Variants in SGCD observed in about 807,000 individuals in gnomAD.
The protein encoded by SGCD is sarcoglycan delta.
Under a neutral mutation model 36.6 loss-of-function variants are expected in SGCD, and 18 were observed. That is an observed-to-expected ratio of 0.49 (90% CI 0.34 to 0.73). The LOEUF (loss-of-function observed/expected upper bound fraction) is 0.73, where lower values mean the gene tolerates loss of function less well. Among genes scored for constraint, SGCD ranks in the 30% least tolerant of loss-of-function variants. The pLI, the probability that SGCD is intolerant of heterozygous loss-of-function variation, is 0.01. For synonymous variants in SGCD, 133 were observed against 130.6 expected (o/e 1.02, Z -0.12); for missense variants, 387 against 346.7 (o/e 1.12, Z -0.92).
At chr5:156,228,871 T>C (rs547125186) in intron 3 of SGCD, among the ~76,000 whole-genome samples, 55 of 152,102 alleles carry the variant, frequency 3.6e-4, no homozygotes, top group Non-Finnish European at 6.3e-4. Flanking sequence ...GTCAACTTGA[T>C]TGGACTGAAG....
At chr5:156,749,452 G>T (rs939497769) in intron 7 of SGCD, among the ~76,000 whole-genome samples, 1 of 151,984 alleles carries the variant, frequency 6.6e-6, no homozygotes, top group African/African-American at 2.4e-5. Flanking sequence ...AGATCAGATT[G>T]ACAAACCCAA....
chr5:156,609,473 T>G lies in SGCD; in HGVS notation c.502+14422T>G, dbSNP rs530218967. On this transcript the variant is annotated intron_variant, in intron 6 of 8. Transcript: ENST00000337851. ...CCCGACCTTTCTCTCTGGCTGCCCT[T>G]AACATTTTTTCCTTCATTTCCACTT... Among the ~76,000 whole-genome samples, 3 of 152,350 alleles carry G rather than the reference T, an allele frequency of 2.0e-5. No individual in the cohort carries two copies. The South Asian group carries it at 6.2e-4, about 32-fold the overall frequency.
the SGCD span, among the ~76,000 whole-genome samples, chr5:155,802,385 C>T: frequency 5.3e-5 from 8 of 152,176 alleles, no homozygotes; most frequent in South Asian, 8.3e-4. Context: ...TTCTGGGATT[C>T]GTAAGCTTGC....
In SGCD at chr5:156,757,692, C is replaced by T. The variant is rs1166804343; in HGVS notation, c.687C>T (p.Ser229=). ...ATCRTELRLE[S]KDGEIKLDAA... ...GCAGGACAGAGCTGAGACTGGAATC[C>T]AAAGATGGAGAGGTGAGGGATGAGA... The change falls in exon 8 of 9, where the codon TCC becomes TCT. Residue 229 remains serine, a synonymous_variant. Coordinates refer to ENST00000337851, the MANE Select transcript of SGCD (RefSeq NM_000337.6). 4 of 1,605,042 alleles carry T rather than the reference C, an allele frequency of 2.5e-6. No individual in the cohort carries two copies. The South Asian group carries it at 3.4e-5, about 14-fold the overall frequency.
In SGCD at chr5:156,686,686, C is replaced by T. The variant is rs201060504; in HGVS notation, c.575+39150C>T. On this transcript the variant is annotated intron_variant, in intron 7 of 8. Coordinates refer to ENST00000337851, the MANE Select transcript of SGCD (RefSeq NM_000337.6). ...GCTGATTATTAAATTTCCTTTAGATCCATCAAATGATTTAAGCAAGGTGCT... is the reference window on the plus strand; with the variant it reads ...GCTGATTATTAAATTTCCTTTAGATTCATCAAATGATTTAAGCAAGGTGCT... Among the ~76,000 whole-genome samples the T allele has an allele frequency of 6.6e-5, 10 of 152,306 alleles. No individual in the cohort carries two copies. In the East Asian group the frequency reaches 1.4e-3, roughly 21 times the overall value.
chr5:155,733,223 C>A, the SGCD span, among the ~76,000 whole-genome samples: 1 of 152,034 alleles, frequency 6.6e-6, no homozygotes, highest in Non-Finnish European at 1.5e-5. Flanking sequence ...ACACCCCTTT[C>A]CTCCCCTTCA....
chr5:156,119,409 A>G (rs914488635), intron 2 of SGCD, among the ~76,000 whole-genome samples: 13 of 152,092 alleles, frequency 8.5e-5, no homozygotes, highest in African/African-American at 3.1e-4. Flanking sequence ...TCCAAACTCA[A>G]TTTCCTTCTA....
intron 3 of SGCD, among the ~76,000 whole-genome samples, chr5:156,138,941 A>C (rs942433391): frequency 7.9e-5 from 12 of 152,342 alleles, no homozygotes; most frequent in Admixed American, 7.2e-4. Flanking sequence ...AATAATGTTA[A>C]GTACTTTCAG....
chr5:155,992,465 G>T (rs1176299108), intron 1 of SGCD, among the ~76,000 whole-genome samples: 2 of 152,088 alleles, frequency 1.3e-5, no homozygotes, highest in Non-Finnish European at 2.9e-5. Flanking sequence ...AACCCTTCCT[G>T]CAAGCAGAGG....
chr5:156,758,138 CA>C (rs1442521237), intron 8 of SGCD: 2 of 374,554 alleles, frequency 5.3e-6, no homozygotes, highest in Non-Finnish European at 7.4e-6. Flanking sequence ...ACAGCTGTCC[CA>C]ACCAGAACAA....
intron 1 of SGCD, among the ~76,000 whole-genome samples, chr5:156,011,575 G>T (rs1339350697): frequency 1.3e-5 from 2 of 152,140 alleles, no homozygotes; most frequent in South Asian, 4.2e-4. Context: ...GAGTATCTGG[G>T]ACTACAGGTG....
intron 3 of SGCD, among the ~76,000 whole-genome samples, chr5:156,266,213 C>G (rs1430035064): frequency 1.3e-5 from 2 of 152,042 alleles, no homozygotes; most frequent in African/African-American, 4.8e-5. Context: ...GGCTATTGAC[C>G]AAGGTGTTAA....
At chr5:155,942,339 T>TATCTATCTATCTATC (rs1554105958) in intron 1 of SGCD, among the ~76,000 whole-genome samples, 1 of 151,712 alleles carries the variant, frequency 6.6e-6, no homozygotes, top group Non-Finnish European at 1.5e-5. Context: ...TGTATGTATC[T>TATCTATCTATCTATC]ATCTATCTAT....
chr5:156,396,679 G>A (rs74383108), intron 3 of SGCD, among the ~76,000 whole-genome samples: 9,146 of 152,202 alleles, frequency 0.06, 375 homozygotes, highest in Non-Finnish European at 0.095. Context: ...CAAGAGGCAG[G>A]CATGTGTGGG....
intron 1 of SGCD, among the ~76,000 whole-genome samples, chr5:156,033,375 C>T (rs1243390856): frequency 9.2e-5 from 14 of 151,982 alleles, no homozygotes; most frequent in Non-Finnish European, 1.2e-4. Flanking sequence ...ATTTTTTAAC[C>T]CTCACCCTCC....
intron 1 of SGCD, among the ~76,000 whole-genome samples, chr5:155,935,547 A>G (rs775652279): frequency 6.6e-5 from 10 of 152,226 alleles, no homozygotes; most frequent in Non-Finnish European, 1.5e-4. Context: ...AGGGAAAGCT[A>G]TCTAAGTAGT....
At chr5:156,244,007 A>G (rs1007395602) in intron 3 of SGCD, among the ~76,000 whole-genome samples, 5 of 152,198 alleles carry the variant, frequency 3.3e-5, no homozygotes, top group African/African-American at 1.2e-4. Context: ...ACTGGTTTTA[A>G]AGAGTCACAT....
At chr5:156,051,153 G>A (rs1759907049) in intron 1 of SGCD, among the ~76,000 whole-genome samples, 1 of 146,344 alleles carries the variant, frequency 6.8e-6, no homozygotes, top group Non-Finnish European at 1.5e-5. Flanking sequence ...TTTGATAAAT[G>A]AGTATTATGG....
chr5:156,510,217 C>T (rs894269024), intron 4 of SGCD, among the ~76,000 whole-genome samples: 27 of 152,122 alleles, frequency 1.8e-4, no homozygotes, highest in African/African-American at 6.3e-4. Context: ...TAACTGGAAC[C>T]TATAGCATAT....
Sources: gnomAD v4.1 joint callset for allele counts (sites outside exome capture counted in the v4.1 genomes callset) on GRCh38, gnomAD v4.1.1 for gene constraint, MANE v1.5 for transcripts, NCBI Gene and HGNC (gene_info 2026-07-23, HGNC 2026-07-21) for gene names.